Variants in ME1 observed in about 807,000 individuals in gnomAD.
The protein encoded by ME1 is NADP-dependent malic enzyme.
In ME1, 74 loss-of-function variants were observed where a neutral mutation model predicts 66.4. That is an observed-to-expected ratio of 1.11 (90% CI 0.92 to 1.35). ME1 has a LOEUF of 1.35. ME1 is among the 40% of genes most tolerant of loss of function. ME1 has a pLI of 0.00. For missense variants in ME1, 750 were observed against 694.1 expected (o/e 1.08, Z -0.90); for synonymous variants, 251 against 235.6 (o/e 1.07, Z -0.60).
rs114329786 is a variant in ME1 at position 83,369,754 on chromosome 6, G to A, written c.363-17615C>T. 6.5e-3 allele frequency among the ~76,000 whole-genome samples: 984 copies of A among 151,876 alleles called. 9 individuals carry two copies. Among genetic ancestry groups the A allele is most frequent in the African/African-American group, 0.022 (931 of 41,450 alleles). ...AAATGAAATCCAATCCATAGAAAACGATTTTTTTATAACAACTTGAGAGGA... is the reference window on the plus strand; with the variant it reads ...AAATGAAATCCAATCCATAGAAAACAATTTTTTTATAACAACTTGAGAGGA... On this transcript the variant is annotated intron_variant, in intron 3 of 13. Transcript: ENST00000369705.
intron 5 of ME1, among the ~76,000 whole-genome samples, chr6:83,317,891 A>C: frequency 6.6e-6 from 1 of 152,110 alleles, no homozygotes; most frequent in Non-Finnish European, 1.5e-5. Context: ...ACACTACCTG[A>C]CTTCAAACTA....
chr6:83,352,644 A>G (rs935670471), intron 3 of ME1, among the ~76,000 whole-genome samples: 4 of 152,156 alleles, frequency 2.6e-5, no homozygotes, highest in Non-Finnish European at 4.4e-5. Context: ...TGTGGAGCTC[A>G]CTTGATTTCT....
chr6:83,358,230 T>C (rs1768936662), intron 3 of ME1, among the ~76,000 whole-genome samples: 1 of 151,770 alleles, frequency 6.6e-6, no homozygotes, highest in South Asian at 2.1e-4. Context: ...GTTTACAGAG[T>C]TATGCAAAAT....
chr6:83,417,340 T>A (rs113391835), intron 1 of ME1, among the ~76,000 whole-genome samples: 12 of 150,978 alleles, frequency 7.9e-5, no homozygotes, highest in Non-Finnish European at 1.5e-4. Context: ...GGAGCCACTG[T>A]GCCTAACTAA....
chr6:83,301,139 T>A (rs991631769), intron 6 of ME1, among the ~76,000 whole-genome samples: 33 of 152,152 alleles, frequency 2.2e-4, no homozygotes, highest in Admixed American at 7.2e-4. Context: ...GGTACATGTA[T>A]ACACATGTAA....
chr6:83,250,653 T>C (rs1281979559), intron 7 of ME1, among the ~76,000 whole-genome samples: 2 of 152,102 alleles, frequency 1.3e-5, no homozygotes, highest in African/African-American at 4.8e-5. Flanking sequence ...TAGAGCAAGA[T>C]GCCACCATCA....
In ME1 at chr6:83,333,781, G is replaced by A. The variant is rs527719775; in HGVS notation, c.600+12392C>T. On this transcript the variant is annotated intron_variant, in intron 5 of 13. Coordinates refer to ENST00000369705, the MANE Select transcript of ME1 (RefSeq NM_002395.6). ...AGCCCGAAAGTCAATAAAATTAAGG[G>A]CAAATTGAGTCAAAGATGAAAACAT... Among the ~76,000 whole-genome samples, 5 of 152,116 alleles carry A rather than the reference G, an allele frequency of 3.3e-5. No individual in the cohort carries two copies. In the East Asian group the frequency reaches 9.6e-4, roughly 29 times the overall value.
At chr6:83,223,718 G>A (rs1445967476) in intron 12 of ME1, 42 bp downstream of exon 12, 5 of 1,566,380 alleles carry the variant, frequency 3.2e-6, no homozygotes, top group Non-Finnish European at 4.4e-6. Context: ...GAGCACACTT[G>A]GTATTTTAAA....
Position 83,354,803 on chromosome 6 carries a change from A to G in ME1, c.363-2664T>C, listed in dbSNP as rs866346709. ...GCTTACATTTGTAATCCTGATGCCT[A>G]TAAGTGTGCTAGCAAGTAGTATGTA... On this transcript the variant is annotated intron_variant, in intron 3 of 13. Transcript: ENST00000369705. Among the ~76,000 whole-genome samples, 14 of 152,370 alleles carry G rather than the reference A, an allele frequency of 9.2e-5. No individual in the cohort carries two copies. The South Asian group carries it at 1.9e-3, about 20-fold the overall frequency.
chr6:83,268,708 G>A (rs1291028314), intron 6 of ME1, among the ~76,000 whole-genome samples: 1 of 149,534 alleles, frequency 6.7e-6, no homozygotes, highest in African/African-American at 2.5e-5. Flanking sequence ...TGGGACCACA[G>A]GCGCGCATCA....
chr6:83,266,582 C>T (rs1352863951), intron 6 of ME1, among the ~76,000 whole-genome samples: 1 of 152,128 alleles, frequency 6.6e-6, no homozygotes, highest in Admixed American at 6.5e-5. Context: ...AAATTAAATA[C>T]TAATTAAAAT....
chr6:83,411,027 C>T (rs2128552389), intron 1 of ME1, among the ~76,000 whole-genome samples: 1 of 152,260 alleles, frequency 6.6e-6, no homozygotes, highest in South Asian at 2.1e-4. Context: ...GCAACAAAAC[C>T]TAGGGCTTAG....
At chr6:83,405,972 C>T (rs544903186) in intron 2 of ME1, among the ~76,000 whole-genome samples, 9 of 152,126 alleles carry the variant, frequency 5.9e-5, no homozygotes, top group East Asian at 3.9e-4. Flanking sequence ...CCGCCCACCT[C>T]GGCCTCCCAA....
chr6:83,370,573 C>T (rs1289466627), intron 3 of ME1, among the ~76,000 whole-genome samples: 1 of 152,134 alleles, frequency 6.6e-6, no homozygotes, highest in Non-Finnish European at 1.5e-5. Flanking sequence ...ATCCATCCTA[C>T]TCATCCTGCT....
At chr6:83,282,330 T>C (rs1767314534) in intron 6 of ME1, among the ~76,000 whole-genome samples, 2 of 152,156 alleles carry the variant, frequency 1.3e-5, no homozygotes, top group African/African-American at 4.8e-5. Flanking sequence ...ACAGGCAACC[T>C]ACAGAATAGG....
intron 5 of ME1, among the ~76,000 whole-genome samples, chr6:83,331,585 CAAA>C (rs1222661961): frequency 1.9e-4 from 14 of 73,234 alleles, no homozygotes; most frequent in Admixed American, 1.5e-3. Context: ...GACTCCATCT[CAAA>C]AAAAAAAAAA....
rs1491407026 is a variant in ME1, at chr6:83,324,715, CCA to C, written c.601-9304_601-9303del. On this transcript the variant is annotated intron_variant, in intron 5 of 13. Transcript: ENST00000369705. ...GTGGTATTAATTAATAGCCTACCAA[CCA>C]AAAAAAAAAAAAAAAAAAAAAAAGC... Among the ~76,000 whole-genome samples the C allele has an allele frequency of 9.1e-5, 5 of 54,744 alleles. No homozygotes were observed. In the East Asian group the frequency reaches 2.0e-3, roughly 21 times the overall value. The allele number at this position is 54,744 out of a possible 152,430, so 35.9% of individuals were successfully genotyped here.
intron 11 of ME1, among the ~76,000 whole-genome samples, chr6:83,225,175 C>T (rs1425645945): frequency 2.9e-5 from 4 of 136,506 alleles, no homozygotes; most frequent in Non-Finnish European, 4.6e-5. Flanking sequence ...CATTGCACTC[C>T]AGCCTGGGTG....
intron 7 of ME1, among the ~76,000 whole-genome samples, chr6:83,247,299 T>C (rs900717220): frequency 2.0e-5 from 3 of 152,098 alleles, no homozygotes; most frequent in Non-Finnish European, 4.4e-5. Flanking sequence ...CTGAATTCTG[T>C]TTGTCTTCAG....
Sources: allele counts gnomAD v4.1 joint callset (sites outside exome capture counted in the v4.1 genomes callset), GRCh38; gene constraint gnomAD v4.1.1; transcripts MANE v1.5; gene names NCBI Gene and HGNC (gene_info 2026-07-23, HGNC 2026-07-21).